Variants in DOP1B observed in about 807,000 individuals in gnomAD.
The protein encoded by DOP1B is DOP1 leucine zipper like protein B, also known as protein DOP1B.
A neutral mutation model predicts 233.5 loss-of-function variants in DOP1B; 174 were observed. That is an observed-to-expected ratio of 0.75 (90% confidence interval 0.66 to 0.85). The LOEUF (loss-of-function observed/expected upper bound fraction) is 0.85, where lower values mean the gene tolerates loss of function less well. Among genes scored for constraint, DOP1B ranks in the 40% least tolerant of loss-of-function variants. The probability of loss-of-function intolerance (pLI) is 0.00; values close to 1 mark genes in which losing one functional copy is unlikely to be tolerated. For synonymous variants in DOP1B, 1,190 were observed against 1,185.6 expected, an observed-to-expected ratio of 1.00 and a Z score of -0.08; for missense variants, 2,652 against 2,846.6, an observed-to-expected ratio of 0.93 and a Z score of 1.56.
intron 30 of DOP1B, among the ~76,000 whole-genome samples, chr21:36,278,619 G>A (rs1181357712): frequency 6.6e-6 from 1 of 152,142 alleles, no homozygotes; most frequent in African/African-American, 2.4e-5. Context: ...TGTAATCCCA[G>A]CATTTTGGGA....
chr21:36,292,579 T>A (rs965918807), intron 36 of DOP1B, among the ~76,000 whole-genome samples: 6 of 150,434 alleles, frequency 4.0e-5, no homozygotes, highest in South Asian at 4.2e-4. Context: ...CACGCCACCA[T>A]GCCTGGCTAA....
In DOP1B at chr21:36,263,774, C is replaced by T; in HGVS notation, c.5447C>T (p.Thr1816Ile). ...LSMLNDFVTR[T>I]PNLENKKDQK... Reference sequence around the variant, plus strand: ...ATGCTGAATGACTTTGTAACAAGAACTCCCAACCTGGAAAACAAGAAGGAC... The same window carrying T: ...ATGCTGAATGACTTTGTAACAAGAATTCCCAACCTGGAAAACAAGAAGGAC... Residue 1816 changes from threonine (T) to isoleucine (I), a missense_variant, in exon 26 of 37, where the codon ACT becomes ATT. Coordinates refer to ENST00000691173, the MANE Select transcript of DOP1B (RefSeq NM_001320714.2). 6.2e-7 allele frequency: 1 copy of T among 1,614,212 alleles called. No individual in the cohort carries two copies. Among genetic ancestry groups the T allele is most frequent in the Non-Finnish European group, 8.5e-7 (1 of 1,180,046 alleles).
rs1490797467 is a variant in DOP1B at position 36,202,276 on chromosome 21, T to G, written c.491+1775T>G. On this transcript the variant is annotated intron_variant, in intron 4 of 36. Coordinates refer to ENST00000691173, the MANE Select transcript of DOP1B (RefSeq NM_001320714.2). The stretch of plus-strand genomic sequence containing the variant: ...GAGAAGTATAAAGTAAGAACTCACT[T>G]CCAGCTTATTAACTCTTCTGAGAGA... Among the ~76,000 whole-genome samples the G allele has an allele frequency of 2.0e-5, 3 of 152,210 alleles. No homozygotes were observed. The South Asian group carries it at 6.2e-4, about 32-fold the overall frequency.
intron 2 of DOP1B, among the ~76,000 whole-genome samples, chr21:36,187,779 G>A (rs1378802032): frequency 1.3e-5 from 2 of 151,606 alleles, no homozygotes; most frequent in Non-Finnish European, 2.9e-5. Flanking sequence ...GCTAATTTTT[G>A]TATTTTTTAT....
At chr21:36,193,324 C>CGTAGAATGACTGG (rs1190082921) in intron 2 of DOP1B, among the ~76,000 whole-genome samples, 3 of 152,264 alleles carry the variant, frequency 2.0e-5, no homozygotes, top group African/African-American at 7.2e-5. Context: ...GTGACAGTCG[C>CGTAGAATGACTGG]GTAGAATGAC....
intron 35 of DOP1B, among the ~76,000 whole-genome samples, chr21:36,291,248 G>A (rs759046199): frequency 2.6e-5 from 4 of 151,504 alleles, no homozygotes; most frequent in East Asian, 1.9e-4. Context: ...GCGAAAGAGC[G>A]AAACTGCATC....
intron 4 of DOP1B, 53 bp from the exon 5 acceptor site, chr21:36,208,662 G>T: frequency 6.4e-7 from 1 of 1,572,124 alleles, no homozygotes; most frequent in South Asian, 1.2e-5. Flanking sequence ...AGTGTGCAGT[G>T]GGACTCGGGA....
chr21:36,168,733 A>T (rs1029109452), intron 2 of DOP1B, among the ~76,000 whole-genome samples: 3 of 151,784 alleles, frequency 2.0e-5, no homozygotes, highest in Non-Finnish European at 4.4e-5. Flanking sequence ...GGGTTTCACC[A>T]TCTTGGCCAG....
intron 23 of DOP1B, among the ~76,000 whole-genome samples, chr21:36,257,289 T>G (rs2067110163): frequency 6.6e-6 from 1 of 152,150 alleles, no homozygotes; most frequent in Admixed American, 6.5e-5. Context: ...TATGGAAACT[T>G]CATTGGATGG....
At chr21:36,224,329 G>A (rs1490433542) in intron 11 of DOP1B, among the ~76,000 whole-genome samples, 2 of 151,890 alleles carry the variant, frequency 1.3e-5, no homozygotes, top group East Asian at 1.9e-4. Context: ...ACAGGTGCAC[G>A]CCACCACACC....
intron 12 of DOP1B, among the ~76,000 whole-genome samples, chr21:36,227,178 A>G (rs577182539): frequency 6.6e-6 from 1 of 151,596 alleles, no homozygotes; most frequent in Admixed American, 6.6e-5. Flanking sequence ...ACTGCACTCC[A>G]GCCTGGGTGA....
At chr21:36,165,223 C>T (rs1476201711) in intron 2 of DOP1B, among the ~76,000 whole-genome samples, 2 of 152,092 alleles carry the variant, frequency 1.3e-5, no homozygotes, top group African/African-American at 4.8e-5. Flanking sequence ...AATGTCTAGA[C>T]AAGATAAAAT....
At chr21:36,211,427 T>C in intron 5 of DOP1B, 126 bp from the exon 6 acceptor site, 2 of 810,084 alleles carry the variant, frequency 2.5e-6, no homozygotes, top group Admixed American at 2.3e-5. Flanking sequence ...CCTCCTGACC[T>C]GTGGCTGCTG....
At chr21:36,214,285 C>A in intron 8 of DOP1B, 95 bp downstream of exon 8, 1 of 1,277,712 alleles carries the variant, frequency 7.8e-7, no homozygotes, top group Non-Finnish European at 1.1e-6. Context: ...TGAGCACGTT[C>A]CTTGGCCCCT....
Position 36,260,744 on chromosome 21 carries a change from C to T in DOP1B, c.5315+12C>T. On this transcript the variant is annotated intron_variant, in intron 24 of 36. Transcript: ENST00000691173. ...GCTTTTCTCCAAAGGTAATACAGTC[C>T]CCCGTCCTCCAAAAACTTCCTTAAA... 6.2e-7 allele frequency: 1 copy of T among 1,613,538 alleles called. No homozygotes were observed. Among genetic ancestry groups the T allele is most frequent in the Non-Finnish European group, 8.5e-7 (1 of 1,179,862 alleles).
At chr21:36,226,421 C>T (rs1413902811) in intron 12 of DOP1B, among the ~76,000 whole-genome samples, 2 of 151,922 alleles carry the variant, frequency 1.3e-5, no homozygotes, top group African/African-American at 2.4e-5. Flanking sequence ...CCTCGGCCTC[C>T]CAGGTAGCTG....
chr21:36,276,860 GAAA>G (rs2067355343), intron 27 of DOP1B, among the ~76,000 whole-genome samples, 158 bp from the exon 28 acceptor site: 1 of 132,404 alleles, frequency 7.6e-6, no homozygotes, highest in African/African-American at 2.8e-5. Flanking sequence ...AAAAAAAAAA[GAAA>G]AAGCTGAAAG....
chr21:36,207,502 T>G (rs977985783), intron 4 of DOP1B, among the ~76,000 whole-genome samples: 2 of 125,262 alleles, frequency 1.6e-5, no homozygotes, highest in African/African-American at 6.4e-5. Flanking sequence ...TTTTTTTGTT[T>G]TTTTTTTTTT....
At chr21:36,225,228 T>C (rs2123527804) in intron 11 of DOP1B, among the ~76,000 whole-genome samples, 1 of 151,918 alleles carries the variant, frequency 6.6e-6, no homozygotes, top group African/African-American at 2.4e-5. Context: ...GGAAGAAGAA[T>C]TGATTTTTTT....
Sources: gnomAD v4.1 joint callset for allele counts (sites outside exome capture counted in the v4.1 genomes callset) on GRCh38, gnomAD v4.1.1 for gene constraint, MANE v1.5 for transcripts, NCBI Gene and HGNC (gene_info 2026-07-23, HGNC 2026-07-21) for gene names.